The following ZNF618 variants were observed in gnomAD, a reference collection of about 807,000 sequenced individuals.
ZNF618 encodes zinc finger protein 618, also known as neural precursor cell expressed, developmentally down-regulated 10.
Under a neutral mutation model 103.0 loss-of-function variants are expected in ZNF618, and 34 were observed. The ratio of observed to expected loss-of-function variants is 0.33; its 90% CI spans 0.25 to 0.44. The LOEUF (loss-of-function observed/expected upper bound fraction) is 0.44. Among genes scored for constraint, ZNF618 ranks in the 20% least tolerant of loss-of-function variants. ZNF618 has a pLI of 1.00. For synonymous variants in ZNF618, 551 were observed against 542.2 expected, an observed-to-expected ratio of 1.02 and a Z score of -0.23; for missense variants, 1,059 against 1,295.4, an observed-to-expected ratio of 0.82 and a Z score of 2.80.
At chr9:113,925,629 T>C (rs991132541) in intron 1 of ZNF618, among the ~76,000 whole-genome samples, 7 of 152,114 alleles carry the variant, frequency 4.6e-5, no homozygotes, top group African/African-American at 7.2e-5. Flanking sequence ...TGCAGCATTT[T>C]ATATGATTCT....
intron 9 of ZNF618, among the ~76,000 whole-genome samples, chr9:114,014,321 A>G (rs1363667888): frequency 1.3e-5 from 2 of 152,244 alleles, no homozygotes; most frequent in Non-Finnish European, 2.9e-5. Flanking sequence ...TTAATTCCTT[A>G]TCTTTACTCT....
chr9:114,001,955 CAG>C (rs780115238), intron 4 of ZNF618, 39 bp from the exon 5 acceptor site: 1 of 1,574,340 alleles, frequency 6.4e-7, no homozygotes, highest in South Asian at 1.1e-5. Context: ...CTTGTGGTCA[CAG>C]AGGTTGGGTG....
intron 10 of ZNF618, 108 bp downstream of exon 10, chr9:114,016,892 G>T: frequency 1.2e-6 from 1 of 823,592 alleles, no homozygotes; most frequent in Non-Finnish European, 2.0e-6. Flanking sequence ...AAAGCAAGGT[G>T]AGCTCAGTTC....
intron 1 of ZNF618, among the ~76,000 whole-genome samples, chr9:113,884,137 G>GT (rs1828819065): frequency 2.0e-5 from 3 of 152,122 alleles, no homozygotes; most frequent in African/African-American, 7.2e-5. Flanking sequence ...CAAGTAGCCC[G>GT]TGGGAGGGAG....
chr9:113,964,994 T>G (rs1413491376), intron 1 of ZNF618, among the ~76,000 whole-genome samples: 1 of 147,794 alleles, frequency 6.8e-6, no homozygotes, highest in Non-Finnish European at 1.5e-5. Flanking sequence ...TTTTGCTTCA[T>G]TCTGAAAAAA....
chr9:113,974,393 C>T (rs554868763), intron 2 of ZNF618, among the ~76,000 whole-genome samples: 26 of 152,320 alleles, frequency 1.7e-4, no homozygotes, highest in Non-Finnish European at 1.2e-4. Flanking sequence ...CCTTGGAGAC[C>T]GTTGTCAGGA....
intron 12 of ZNF618, among the ~76,000 whole-genome samples, chr9:114,034,717 G>A (rs1432409691): frequency 6.6e-6 from 1 of 152,152 alleles, no homozygotes; most frequent in Non-Finnish European, 1.5e-5. Flanking sequence ...GCCAACCTCT[G>A]GCAGTGCCAG....
chr9:113,962,004 G>A (rs1369112973), intron 1 of ZNF618, among the ~76,000 whole-genome samples: 3 of 152,170 alleles, frequency 2.0e-5, no homozygotes, highest in Admixed American at 6.5e-5. Flanking sequence ...AGCCACTGGC[G>A]GTGGTATGAC....
intron 1 of ZNF618, among the ~76,000 whole-genome samples, chr9:113,882,449 C>T (rs1457805214): frequency 2.0e-5 from 3 of 152,134 alleles, no homozygotes; most frequent in African/African-American, 7.2e-5. Context: ...AGGTGGTCGA[C>T]GCATGTGAGT....
At chr9:113,994,838 T>C (rs1052227198) in intron 3 of ZNF618, among the ~76,000 whole-genome samples, 2 of 152,168 alleles carry the variant, frequency 1.3e-5, no homozygotes, top group African/African-American at 4.8e-5. Flanking sequence ...TTGAAAACTG[T>C]ATATTCTTTT....
At chr9:114,040,536 T>C (rs1845060513) in intron 13 of ZNF618, among the ~76,000 whole-genome samples, 1 of 152,164 alleles carries the variant, frequency 6.6e-6, no homozygotes, top group African/African-American at 2.4e-5. Flanking sequence ...TGTGTCCAAG[T>C]GTTCTCATTG....
chr9:113,890,325 T>C (rs897282612), intron 1 of ZNF618, among the ~76,000 whole-genome samples: 31 of 152,232 alleles, frequency 2.0e-4, no homozygotes, highest in Non-Finnish European at 3.5e-4. Flanking sequence ...ATTCAAGCCA[T>C]CTCTACATAT....
chr9:113,994,914 TC>T (rs1339721717), intron 3 of ZNF618, among the ~76,000 whole-genome samples: 1 of 151,826 alleles, frequency 6.6e-6, no homozygotes, highest in East Asian at 1.9e-4. Context: ...GGATATAATT[TC>T]CAGGATATTG....
At chr9:113,913,822 C>T (rs1415204889) in intron 1 of ZNF618, among the ~76,000 whole-genome samples, 1 of 152,128 alleles carries the variant, frequency 6.6e-6, no homozygotes, top group East Asian at 1.9e-4. Context: ...CCCTTTCTCT[C>T]CTAATCTTAG....
Position 113,920,527 on chromosome 9 carries a change from A to G in ZNF618, c.33+44114A>G, listed in dbSNP as rs34750923. On this transcript the variant is annotated intron_variant, in intron 1 of 14. Coordinates refer to ENST00000374126, the MANE Select transcript of ZNF618 (RefSeq NM_001318042.2). ...AGCGATTGTCCTGCCTCGGCCTCCCACGTAGCTGGGATTACAGGCGCCCGC... is the reference window on the plus strand; with the variant it reads ...AGCGATTGTCCTGCCTCGGCCTCCCGCGTAGCTGGGATTACAGGCGCCCGC... 3.2e-3 allele frequency among the ~76,000 whole-genome samples: 482 copies of G among 150,950 alleles called. 1 individual carries two copies. Among genetic ancestry groups the G allele is most frequent in the Non-Finnish European group, 5.7e-3 (388 of 67,804 alleles).
At chr9:113,967,240 A>G (rs1837498220) in intron 1 of ZNF618, among the ~76,000 whole-genome samples, 1 of 152,232 alleles carries the variant, frequency 6.6e-6, no homozygotes, top group East Asian at 1.9e-4. Context: ...TTATGATACA[A>G]ACATTCAAAC....
At chr9:114,024,746 C>CA (rs2134093819) in intron 10 of ZNF618, among the ~76,000 whole-genome samples, 1 of 152,148 alleles carries the variant, frequency 6.6e-6, no homozygotes, top group East Asian at 1.9e-4. Flanking sequence ...CCCCATCCCC[C>CA]ATTAGCTGTT....
Position 114,002,617 on chromosome 9 carries a change from T to C in ZNF618, c.512-7T>C. 1 of 1,610,194 alleles carries C rather than the reference T, an allele frequency of 6.2e-7. No individual in the cohort carries two copies. Among genetic ancestry groups the C allele is most frequent in the Non-Finnish European group, 8.5e-7 (1 of 1,179,578 alleles). On this transcript the variant is annotated splice_polypyrimidine_tract_variant and splice_region_variant and intron_variant, in intron 5 of 14. Coordinates refer to ENST00000374126, the MANE Select transcript of ZNF618 (RefSeq NM_001318042.2). ...CCACCCCCATCCCTCTCTCTCTCTC[T>C]TTGCAGACACCGAAGCCACCTCAGG... is the stretch of plus-strand genomic sequence containing the variant.
At chr9:113,950,794 G>A (rs1835489364) in intron 1 of ZNF618, among the ~76,000 whole-genome samples, 1 of 152,116 alleles carries the variant, frequency 6.6e-6, no homozygotes, top group Admixed American at 6.5e-5. Context: ...AGGGCAGTGT[G>A]GGGACATTCG....
Sources: allele counts gnomAD v4.1 joint callset (sites outside exome capture counted in the v4.1 genomes callset), GRCh38; gene constraint gnomAD v4.1.1; transcripts MANE v1.5; gene names NCBI Gene and HGNC (gene_info 2026-07-23, HGNC 2026-07-21).